Variants in ST3GAL3 observed in about 807,000 individuals in gnomAD.
ST3GAL3 encodes ST3 beta-galactoside alpha-2,3-sialyltransferase 3.
ST3GAL3 carries 21 observed loss-of-function variants against 50.1 expected under a neutral mutation model. The observed-to-expected ratio is 0.42, with a 90% CI of 0.30 to 0.60. The LOEUF (loss-of-function observed/expected upper bound fraction) is 0.60. Ranked by LOEUF, ST3GAL3 falls within the 20% of genes least tolerant of loss-of-function variation. The pLI, the probability that ST3GAL3 is intolerant of heterozygous loss-of-function variation, is 0.19. For synonymous variants in ST3GAL3, 183 were observed against 190.0 expected, an observed-to-expected ratio of 0.96 and a Z score of 0.30; for missense variants, 353 against 489.4, an observed-to-expected ratio of 0.72 and a Z score of 2.63.
chr1:43,801,346 C>CA (rs765890847), intron 3 of ST3GAL3: 4 of 456,244 alleles, frequency 8.8e-6, no homozygotes, highest in South Asian at 6.2e-5. Flanking sequence ...GTGGGTCACT[C>CA]ACAACGGAAA....
intron 2 of ST3GAL3, among the ~76,000 whole-genome samples, chr1:43,759,923 C>G (rs1390167086): frequency 6.6e-6 from 1 of 152,088 alleles, no homozygotes. Flanking sequence ...TTGAGGCCAG[C>G]CTGAGCAACA....
intron 5 of ST3GAL3, among the ~76,000 whole-genome samples, chr1:43,855,877 C>T (rs2068260983): frequency 6.6e-6 from 1 of 151,882 alleles, no homozygotes; most frequent in African/African-American, 2.4e-5. Context: ...TATTGCCTAG[C>T]ATAAACAGGT....
intron 5 of ST3GAL3, among the ~76,000 whole-genome samples, chr1:43,889,449 G>A (rs2076413839): frequency 6.6e-6 from 1 of 152,060 alleles, no homozygotes; most frequent in African/African-American, 2.4e-5. Context: ...AAAAACAAAA[G>A]CAGAATGAAA....
In ST3GAL3 at chr1:43,838,253, T is replaced by C. The variant is rs201552654; in HGVS notation, c.244T>C (p.Ser82Pro). ...AELATKYANF[S>P]EGACKPGYAS... Reference sequence around the variant, plus strand: ...ATTAGCCACCAAGTACGCAAACTTTTCAGAGGGAGCTTGCAAGCCTGGCTA... The same window carrying C: ...ATTAGCCACCAAGTACGCAAACTTTCCAGAGGGAGCTTGCAAGCCTGGCTA... Residue 82 changes from serine to proline, a missense_variant, in exon 5 of 12, where the codon TCA becomes CCA. Transcript: ENST00000347631. 6.2e-7 allele frequency: 1 copy of C among 1,613,962 alleles called. No individual in the cohort carries two copies. The highest frequency in any genetic ancestry group is 8.5e-7 in the Non-Finnish European group (1 of 1,179,896).
intron 1 of ST3GAL3, among the ~76,000 whole-genome samples, chr1:43,716,255 T>G (rs1474452385): frequency 6.6e-6 from 1 of 152,262 alleles, no homozygotes; most frequent in Non-Finnish European, 1.5e-5. Flanking sequence ...GGTGCCATAC[T>G]GTTTACATTT....
chr1:43,898,496 C>T, intron 7 of ST3GAL3, 198 bp downstream of exon 7: 1 of 655,884 alleles, frequency 1.5e-6, no homozygotes, highest in Non-Finnish European at 2.8e-6. Flanking sequence ...GCTGTCAGCA[C>T]TTGGCAGGAC....
chr1:43,729,673 A>G lies in ST3GAL3; in HGVS notation c.-30-6560A>G, dbSNP rs74070657. On this transcript the variant is annotated intron_variant, in intron 1 of 11. Coordinates refer to ENST00000347631, the MANE Select transcript of ST3GAL3 (RefSeq NM_006279.5). ...TATTTAGAAAGGAAGGGATAGAGGGACCTCATTTTGTTTATGGATGCATAG... is the reference window on the plus strand; with the variant it reads ...TATTTAGAAAGGAAGGGATAGAGGGGCCTCATTTTGTTTATGGATGCATAG... 9.2e-3 allele frequency among the ~76,000 whole-genome samples: 1,400 copies of G among 151,864 alleles called. 21 individuals are homozygous for G. The highest frequency in any genetic ancestry group is 0.032 in the African/African-American group (1,334 of 41,410).
At chr1:43,808,613 C>G (rs535764258) in intron 3 of ST3GAL3, among the ~76,000 whole-genome samples, 2 of 152,112 alleles carry the variant, frequency 1.3e-5, no homozygotes, top group Non-Finnish European at 1.5e-5. Flanking sequence ...CAGTCCATGT[C>G]GCAGGGAAGG....
chr1:43,803,383 A>C (rs2059530590), intron 3 of ST3GAL3, among the ~76,000 whole-genome samples: 1 of 152,128 alleles, frequency 6.6e-6, no homozygotes, highest in South Asian at 2.1e-4. Flanking sequence ...CAAAAAAAAA[A>C]AAAAGGAATG....
intron 4 of ST3GAL3, among the ~76,000 whole-genome samples, chr1:43,821,701 C>A (rs1278321372): frequency 6.6e-6 from 1 of 152,152 alleles, no homozygotes; most frequent in East Asian, 1.9e-4. Context: ...AGGGGTTGGG[C>A]ACTCAGGCTG....
At chr1:43,920,212 A>G in intron 9 of ST3GAL3, 192 bp from the exon 10 acceptor site, 1 of 664,488 alleles carries the variant, frequency 1.5e-6, no homozygotes, top group Non-Finnish European at 2.7e-6. Flanking sequence ...TCTCTTCACC[A>G]TCATTCCCCT....
intron 5 of ST3GAL3, among the ~76,000 whole-genome samples, chr1:43,892,203 A>G (rs1040113756): frequency 3.3e-5 from 5 of 152,186 alleles, no homozygotes; most frequent in African/African-American, 1.2e-4. Flanking sequence ...TTGGCCTCCC[A>G]AAGTGCTGGG....
intron 2 of ST3GAL3, among the ~76,000 whole-genome samples, chr1:43,777,159 T>G (rs1697579431): frequency 6.6e-6 from 1 of 152,196 alleles, no homozygotes; most frequent in Non-Finnish European, 1.5e-5. Context: ...ATTTTACCCA[T>G]GAATACTTAA....
intron 9 of ST3GAL3, among the ~76,000 whole-genome samples, chr1:43,918,117 C>CTT (rs1557544940): frequency 3.3e-5 from 1 of 30,668 alleles, no homozygotes; most frequent in Non-Finnish European, 1.3e-4. Flanking sequence ...TTTTTTCTTT[C>CTT]TCTTTTTTTT....
At chr1:43,922,840 G>A (rs1418073131) in intron 11 of ST3GAL3, among the ~76,000 whole-genome samples, 3 of 147,476 alleles carry the variant, frequency 2.0e-5, no homozygotes, top group Non-Finnish European at 4.5e-5. Flanking sequence ...GGTGGCTCAT[G>A]CCTGTAATCC....
intron 5 of ST3GAL3, among the ~76,000 whole-genome samples, chr1:43,880,056 C>G (rs928443072): frequency 2.0e-5 from 3 of 152,184 alleles, no homozygotes; most frequent in Non-Finnish European, 4.4e-5. Context: ...ATGAATTGGT[C>G]TGGTTGGCCC....
At chr1:43,818,339 A>G (rs1421009004) in intron 4 of ST3GAL3, among the ~76,000 whole-genome samples, 1 of 152,222 alleles carries the variant, frequency 6.6e-6, no homozygotes, top group East Asian at 1.9e-4. Flanking sequence ...CAGTAGAACA[A>G]AAACACTTAG....
chr1:43,861,365 G>A (rs1227998302), intron 5 of ST3GAL3, among the ~76,000 whole-genome samples: 2 of 152,040 alleles, frequency 1.3e-5, no homozygotes, highest in East Asian at 3.9e-4. Context: ...TGGTAAGTGT[G>A]GTTCTGTCTT....
chr1:43,812,361 C>T (rs1271636471), intron 3 of ST3GAL3, among the ~76,000 whole-genome samples: 4 of 152,210 alleles, frequency 2.6e-5, no homozygotes, highest in Non-Finnish European at 5.9e-5. Context: ...GGACTCAGTT[C>T]CCTCTGGGCT....
Sources: gnomAD v4.1 joint callset for allele counts (sites outside exome capture counted in the v4.1 genomes callset) on GRCh38, gnomAD v4.1.1 for gene constraint, MANE v1.5 for transcripts, NCBI Gene and HGNC (gene_info 2026-07-23, HGNC 2026-07-21) for gene names.